The following PATJ variants were observed in gnomAD, a reference collection of about 807,000 sequenced individuals.
PATJ encodes inaD-like protein.
In PATJ, 190 loss-of-function variants were observed where a neutral mutation model predicts 224.9. The ratio of observed to expected loss-of-function variants is 0.84; its 90% CI spans 0.75 to 0.95. The LOEUF (loss-of-function observed/expected upper bound fraction) is 0.95, where lower values mean the gene tolerates loss of function less well. PATJ is among the 40% of genes least tolerant of loss of function. The pLI is 0.00. For missense variants in PATJ, 2,121 were observed against 2,270.3 expected (o/e 0.93, Z 1.34); for synonymous variants, 769 against 820.3 (o/e 0.94, Z 1.07).
chr1:61,858,771 A>ATTTTTG (rs1664104542), intron 18 of PATJ, among the ~76,000 whole-genome samples: 1 of 152,244 alleles, frequency 6.6e-6, no homozygotes, highest in East Asian at 1.9e-4. Context: ...AGATTCATGT[A>ATTTTTG]CAGCATATGG....
chr1:62,121,371 C>A, intron 38 of PATJ, 76 bp downstream of exon 38: 5 of 887,974 alleles, frequency 5.6e-6, no homozygotes, highest in Non-Finnish European at 7.0e-6. Flanking sequence ...TTTTAAAAAC[C>A]AGTCTTCTTT....
chr1:61,805,853 A>C (rs531039205), intron 13 of PATJ, among the ~76,000 whole-genome samples: 1 of 152,350 alleles, frequency 6.6e-6, no homozygotes, highest in South Asian at 2.1e-4. Context: ...GCTGCTTAAA[A>C]TTGCTGGCAT....
chr1:62,034,835 G>A (rs1213782260), intron 29 of PATJ, among the ~76,000 whole-genome samples: 1 of 152,154 alleles, frequency 6.6e-6, no homozygotes, highest in Non-Finnish European at 1.5e-5. Flanking sequence ...TCATTAAATT[G>A]TGAAGGAATA....
intron 9 of PATJ, 27 bp from the exon 10 acceptor site, chr1:61,795,440 T>C: frequency 7.0e-7 from 1 of 1,420,344 alleles, no homozygotes; most frequent in Non-Finnish European, 9.7e-7. Context: ...ATTTTCTTCC[T>C]TTTTCCGTAT....
intron 1 of PATJ, among the ~76,000 whole-genome samples, chr1:61,761,186 A>G (rs1265904722): frequency 6.6e-6 from 1 of 152,134 alleles, no homozygotes; most frequent in Non-Finnish European, 1.5e-5. Flanking sequence ...TTTGTTGCAC[A>G]GGCTGGTCTC....
intron 43 of PATJ, among the ~76,000 whole-genome samples, chr1:62,155,796 G>A (rs1268678791): frequency 1.3e-5 from 2 of 151,710 alleles, no homozygotes; most frequent in African/African-American, 4.8e-5. Flanking sequence ...GGTGGCTCAT[G>A]CCTGTAATCC....
intron 21 of PATJ, among the ~76,000 whole-genome samples, chr1:61,876,383 G>T (rs1242445660): frequency 1.3e-5 from 2 of 152,072 alleles, no homozygotes; most frequent in Admixed American, 1.3e-4. Flanking sequence ...CAGGTATATT[G>T]CTTTCTAAAA....
At chr1:62,115,164 GC>G (rs1664316341) in intron 35 of PATJ, among the ~76,000 whole-genome samples, 1 of 152,038 alleles carries the variant, frequency 6.6e-6, no homozygotes, top group Non-Finnish European at 1.5e-5. Flanking sequence ...CAAAAAATTA[GC>G]CAGGCATAGT....
At chr1:61,953,665 T>C (rs1680035591) in intron 27 of PATJ, among the ~76,000 whole-genome samples, 1 of 152,212 alleles carries the variant, frequency 6.6e-6, no homozygotes, top group African/African-American at 2.4e-5. Context: ...TTCTCAAACT[T>C]GTATTGACAA....
At position 62,144,777 on chromosome 1, in the gene PATJ, A is replaced by AATATATAT. The variant is rs1553280095; in HGVS notation, c.5272-3495_5272-3488dup. Among the ~76,000 whole-genome samples, 625 of 119,074 alleles carry AATATATAT rather than the reference A, an allele frequency of 5.2e-3. 14 individuals are homozygous for AATATATAT. The highest frequency in any genetic ancestry group is 0.013 in the African/African-American group (386 of 29,292). 78.1% of individuals were successfully genotyped at this position (119,074 alleles called of 152,430 possible). Reference sequence around the variant, plus strand: ...TAGAATGTTATTTGCAAAAAAAAAAAATATATATATATATATATAATTAGC... The same window carrying AATATATAT: ...TAGAATGTTATTTGCAAAAAAAAAAAATATATATATATATATATATATATATAATTAGC... On this transcript the variant is annotated intron_variant, in intron 41 of 43. Coordinates refer to ENST00000642238, the MANE Select transcript of PATJ (RefSeq NM_001350145.3).
At chr1:61,979,833 A>G (rs747159943) in intron 27 of PATJ, among the ~76,000 whole-genome samples, 1 of 151,994 alleles carries the variant, frequency 6.6e-6, no homozygotes, top group Non-Finnish European at 1.5e-5. Flanking sequence ...GGCATGATCT[A>G]ATGGTAACGA....
At chr1:62,034,987 G>A (rs182431918) in intron 29 of PATJ, among the ~76,000 whole-genome samples, 10 of 152,240 alleles carry the variant, frequency 6.6e-5, no homozygotes, top group Middle Eastern at 6.8e-3. Flanking sequence ...TATACTCTGC[G>A]CTGTGAGTTC....
intron 1 of PATJ, among the ~76,000 whole-genome samples, chr1:61,748,246 CTTT>C (rs35918825): frequency 1.8e-4 from 12 of 65,102 alleles, no homozygotes; most frequent in East Asian, 1.0e-3. Context: ...GCCTTAATGC[CTTT>C]TTTTTTTTTT....
intron 14 of PATJ, among the ~76,000 whole-genome samples, chr1:61,813,338 T>C (rs1012490304): frequency 1.0e-4 from 3 of 28,998 alleles, no homozygotes; most frequent in Admixed American, 3.5e-4. Context: ...AATGTACATA[T>C]ATATATATAT....
intron 28 of PATJ, among the ~76,000 whole-genome samples, chr1:61,992,232 C>G (rs1645108895): frequency 6.6e-6 from 1 of 151,914 alleles, no homozygotes; most frequent in Non-Finnish European, 1.5e-5. Context: ...ATTTTCCTGC[C>G]TCAGCCTCCC....
intron 21 of PATJ, among the ~76,000 whole-genome samples, chr1:61,880,688 T>G (rs1289439878): frequency 6.6e-6 from 1 of 152,258 alleles, no homozygotes; most frequent in Non-Finnish European, 1.5e-5. Flanking sequence ...TACAATAGTA[T>G]TTTATCATCT....
chr1:61,808,186 T>C (rs1653965213), intron 13 of PATJ, among the ~76,000 whole-genome samples: 1 of 152,136 alleles, frequency 6.6e-6, no homozygotes, highest in Non-Finnish European at 1.5e-5. Flanking sequence ...TATATTAAAA[T>C]TTTAGGGGTC....
intron 8 of PATJ, among the ~76,000 whole-genome samples, chr1:61,790,750 G>A (rs1170370899): frequency 6.6e-6 from 1 of 151,864 alleles, no homozygotes; most frequent in East Asian, 1.9e-4. Flanking sequence ...CTGACCTCAG[G>A]TGATCCACCC....
intron 27 of PATJ, among the ~76,000 whole-genome samples, chr1:61,934,819 T>G (rs1039524264): frequency 6.6e-6 from 1 of 152,180 alleles, no homozygotes; most frequent in Admixed American, 6.6e-5. Flanking sequence ...ATGCCTCGGA[T>G]AGTCAACAGT....
Sources: allele counts gnomAD v4.1 joint callset (sites outside exome capture counted in the v4.1 genomes callset), GRCh38; gene constraint gnomAD v4.1.1; transcripts MANE v1.5; gene names NCBI Gene and HGNC (gene_info 2026-07-23, HGNC 2026-07-21).